The following POFUT3 variants were observed in gnomAD, a reference collection of about 807,000 sequenced individuals.
POFUT3 encodes the protein protein O-fucosyltransferase 3, also known as GDP-fucose protein O-fucosyltransferase 3.
the POFUT3 span, among the ~76,000 whole-genome samples, chr8:33,444,225 C>T: frequency 0.01 from 1,567 of 151,878 alleles, 28 homozygotes; most frequent in African/African-American, 0.036. Context: ...GATGAGATCG[C>T]CTTGAGAAAA....
At chr8:33,422,563 A>AC in the POFUT3 span, among the ~76,000 whole-genome samples, 2 of 147,876 alleles carry the variant, frequency 1.4e-5, no homozygotes, top group African/African-American at 5.2e-5. Context: ...AAAAAAAAAA[A>AC]AAAAAAAAAC....
chr8:33,336,163 G>A, the POFUT3 span, among the ~76,000 whole-genome samples: 1 of 152,170 alleles, frequency 6.6e-6, no homozygotes, highest in Non-Finnish European at 1.5e-5. Context: ...ATTTTTTAAA[G>A]TCTAGATAGT....
the POFUT3 span, among the ~76,000 whole-genome samples, chr8:33,408,300 ACT>A: frequency 1.3e-5 from 2 of 149,020 alleles, no homozygotes; most frequent in Non-Finnish European, 3.0e-5. Context: ...CTCCAGAGAG[ACT>A]CTGTCTCTTA....
At chr8:33,373,072 T>A in the POFUT3 span, among the ~76,000 whole-genome samples, 1 of 152,202 alleles carries the variant, frequency 6.6e-6, no homozygotes, top group Non-Finnish European at 1.5e-5. Flanking sequence ...TATAGTTCTC[T>A]TTAGATTCTA....
chr8:33,437,859 A>C, the POFUT3 span, among the ~76,000 whole-genome samples: 3 of 152,182 alleles, frequency 2.0e-5, no homozygotes, highest in Admixed American at 2.0e-4. Flanking sequence ...TTACATTTCT[A>C]GATATAAAGT....
chr8:33,348,766 A>T, the POFUT3 span, among the ~76,000 whole-genome samples: 1 of 152,318 alleles, frequency 6.6e-6, no homozygotes, highest in South Asian at 2.1e-4. Context: ...TGAAGGGAGC[A>T]TGGAGTGTTT....
chr8:33,361,330 T>A, the POFUT3 span: 4 of 152,166 alleles, frequency 2.6e-5, no homozygotes, highest in Non-Finnish European at 5.9e-5. Context: ...AACACTGGTA[T>A]AAAAATTAAA....
the POFUT3 span, among the ~76,000 whole-genome samples, chr8:33,384,719 G>C: frequency 5.3e-5 from 8 of 152,130 alleles, no homozygotes; most frequent in African/African-American, 1.7e-4. Context: ...TACTCAGGAG[G>C]CTAAGGTAGG....
the POFUT3 span, among the ~76,000 whole-genome samples, chr8:33,370,592 T>C: frequency 1.3e-5 from 2 of 152,226 alleles, no homozygotes; most frequent in African/African-American, 4.8e-5. Context: ...CAGGGATACA[T>C]ACTTCAGAAA....
At chr8:33,468,612 G>A in the POFUT3 span, among the ~76,000 whole-genome samples, 1 of 152,206 alleles carries the variant, frequency 6.6e-6, no homozygotes, top group Non-Finnish European at 1.5e-5. Context: ...ATGCCTAAAG[G>A]CCTTTGGACA....
the POFUT3 span, among the ~76,000 whole-genome samples, chr8:33,365,859 G>A: frequency 1.3e-5 from 2 of 152,194 alleles, no homozygotes; most frequent in African/African-American, 2.4e-5. Context: ...AATTCCTCAA[G>A]GATCCAGAAC....
At chr8:33,346,424 T>C in the POFUT3 span, among the ~76,000 whole-genome samples, 4 of 152,086 alleles carry the variant, frequency 2.6e-5, no homozygotes, top group Non-Finnish European at 4.4e-5. Context: ...ACATGAAAAA[T>C]ATACCAGGCC....
the POFUT3 span, among the ~76,000 whole-genome samples, chr8:33,397,534 C>T: frequency 6.6e-6 from 1 of 152,140 alleles, no homozygotes. Flanking sequence ...CAGTTTAAGG[C>T]ACTGCCCTTC....
the POFUT3 span, among the ~76,000 whole-genome samples, chr8:33,309,158 AAAAAAAAAAATATAT>A: frequency 2.2e-5 from 1 of 46,324 alleles, no homozygotes; most frequent in Admixed American, 2.0e-4. Context: ...AAAAAAAAAA[AAAAAAAAAAATATAT>A]ATATATATAT....
chr8:33,330,288 G>A, the POFUT3 span, among the ~76,000 whole-genome samples: 40,512 of 151,838 alleles, frequency 0.27, 5,822 homozygotes, highest in South Asian at 0.5. Flanking sequence ...AACTAAAAAT[G>A]CAAAAATGAG....
At chr8:33,379,843 A>AAAAAAATATATATATATATAT in the POFUT3 span, among the ~76,000 whole-genome samples, 371 of 42,464 alleles carry the variant, frequency 8.7e-3, 11 homozygotes, top group African/African-American at 0.021. Flanking sequence ...CTAAAAAAAA[A>AAAAAAATATATATATATATAT]AAAATATATA....
At chr8:33,333,688 G>T in the POFUT3 span, among the ~76,000 whole-genome samples, 39 of 152,144 alleles carry the variant, frequency 2.6e-4, no homozygotes, top group African/African-American at 8.2e-4. Context: ...AATATAAGGA[G>T]GAGAGGGATG....
chr8:33,472,285 G>C, the POFUT3 span, among the ~76,000 whole-genome samples: 1 of 152,230 alleles, frequency 6.6e-6, no homozygotes, highest in South Asian at 2.1e-4. Flanking sequence ...CTGCAGCAGG[G>C]AGCAGGGGGC....
chr8:33,323,887 GT>G, the POFUT3 span, among the ~76,000 whole-genome samples: 1 of 152,108 alleles, frequency 6.6e-6, no homozygotes, highest in Non-Finnish European at 1.5e-5. Context: ...TCATGCTTTA[GT>G]TTTTCTCTGC....
Sources: gnomAD v4.1 joint callset for allele counts (sites outside exome capture counted in the v4.1 genomes callset) on GRCh38, gnomAD v4.1.1 for gene constraint, MANE v1.5 for transcripts, NCBI Gene and HGNC (gene_info 2026-07-23, HGNC 2026-07-21) for gene names.